APBA1: variants seen among roughly 807,000 people sequenced by gnomAD.
APBA1 encodes the protein amyloid-beta A4 precursor protein-binding family A member 1.
Under a neutral mutation model 86.6 loss-of-function variants are expected in APBA1, and 55 were observed. That is an observed-to-expected ratio of 0.64 (90% CI 0.51 to 0.80). The LOEUF is 0.80. APBA1 is among the 30% of genes least tolerant of loss of function. The pLI, the probability that APBA1 is intolerant of heterozygous loss-of-function variation, is 0.00. For synonymous variants in APBA1, 511 were observed against 493.9 expected (o/e 1.03, Z -0.46); for missense variants, 1,090 against 1,183.0 (o/e 0.92, Z 1.15).
At chr9:69,611,719 A>G (rs1008323940) in intron 1 of APBA1, among the ~76,000 whole-genome samples, 52 of 152,308 alleles carry the variant, frequency 3.4e-4, no homozygotes, top group African/African-American at 1.3e-3. Context: ...CTAAAATTCT[A>G]AAAGGAAAGC....
At chr9:69,446,035 C>G (rs1834901380) in intron 10 of APBA1, among the ~76,000 whole-genome samples, 1 of 152,172 alleles carries the variant, frequency 6.6e-6, no homozygotes, top group Non-Finnish European at 1.5e-5. Flanking sequence ...CTGCAAAGAG[C>G]ATGGACATAC....
chr9:69,578,520 G>T (rs778383007), intron 1 of APBA1, among the ~76,000 whole-genome samples: 8 of 152,112 alleles, frequency 5.3e-5, no homozygotes, highest in Non-Finnish European at 1.2e-4. Context: ...GCTTTGAGGT[G>T]GCAATCTGGT....
At chr9:69,651,249 C>T (rs1823493403) in intron 1 of APBA1, among the ~76,000 whole-genome samples, 1 of 152,118 alleles carries the variant, frequency 6.6e-6, no homozygotes. Flanking sequence ...ATCGTGGTTA[C>T]CTCTGGGGAG....
chr9:69,579,105 C>G (rs1821863773), intron 1 of APBA1, among the ~76,000 whole-genome samples: 1 of 151,910 alleles, frequency 6.6e-6, no homozygotes, highest in Admixed American at 6.6e-5. Flanking sequence ...AAACCCATAC[C>G]TCACTGAGGC....
chr9:69,461,585 A>C (rs1005835124), intron 5 of APBA1: 1 of 152,166 alleles, frequency 6.6e-6, no homozygotes, highest in Non-Finnish European at 1.5e-5. Context: ...ATGAAACACG[A>C]GGTTTAAGTA....
rs759487953 is a variant in APBA1, at chr9:69,516,583, G to A, written c.628C>T (p.Arg210Cys). The A allele has an allele frequency of 8.7e-6, 14 of 1,602,590 alleles. No homozygotes were observed. The highest frequency in any genetic ancestry group is 1.0e-5 in the Non-Finnish European group (12 of 1,178,996). The change falls in exon 2 of 13, where the codon CGC becomes TGC. Residue 210 changes from arginine to cysteine, a missense_variant. By Grantham distance (180) the Arg-to-Cys change is radical. Coordinates refer to ENST00000265381, the MANE Select transcript of APBA1 (RefSeq NM_001163.4). This position sits in a 1 kb window ranked among gnomAD's most constrained non-coding sequence, Gnocchi z 7.3. ...EIGDAPELDA[R>C]DGLRLYEQER... ...TGCTCGTAGAGCCGCAGGCCGTCGC[G>A]TGCGTCCAGCTCGGGCGCGTCCCCT... is the stretch of plus-strand genomic sequence containing the variant.
intron 8 of APBA1, 57 bp downstream of exon 8, chr9:69,456,190 G>C (rs1160914026): frequency 1.9e-6 from 3 of 1,573,458 alleles, no homozygotes; most frequent in East Asian, 2.2e-5. Context: ...ACTGAATCAG[G>C]TTCTGAGAAG....
chr9:69,474,694 T>C (rs1413294270), intron 3 of APBA1, among the ~76,000 whole-genome samples: 1 of 152,232 alleles, frequency 6.6e-6, no homozygotes, highest in Non-Finnish European at 1.5e-5. Context: ...AGTATATTTC[T>C]AGTCTAAATT....
chr9:69,655,820 G>T (rs1377446744), intron 1 of APBA1, among the ~76,000 whole-genome samples: 2 of 152,092 alleles, frequency 1.3e-5, no homozygotes, highest in Non-Finnish European at 2.9e-5. Context: ...GGAGGAATAA[G>T]TTCTGTTACA....
rs534378112 is a variant in APBA1, at chr9:69,542,436, C to T, written c.-69-25157G>A. Among the ~76,000 whole-genome samples the T allele has an allele frequency of 8.5e-5, 13 of 152,354 alleles. No individual in the cohort carries two copies. In the South Asian group the frequency reaches 2.7e-3, roughly 32 times the overall value. The stretch of plus-strand genomic sequence containing the variant: ...ATGTGCATTTAAAATTCCTCCATGT[C>T]TTTCTCTGCCTTGAGCGCTCATTTC... On this transcript the variant is annotated intron_variant, in intron 1 of 12. Coordinates refer to ENST00000265381, the MANE Select transcript of APBA1 (RefSeq NM_001163.4).
chr9:69,653,686 C>T (rs1233956643), intron 1 of APBA1, among the ~76,000 whole-genome samples: 1 of 152,126 alleles, frequency 6.6e-6, no homozygotes, highest in Non-Finnish European at 1.5e-5. Context: ...GGAAATTAAA[C>T]AACATGCTAC....
chr9:69,459,174 T>C (rs572323202), intron 5 of APBA1, among the ~76,000 whole-genome samples: 22 of 152,358 alleles, frequency 1.4e-4, no homozygotes, highest in African/African-American at 5.3e-4. Context: ...TGTATGTCAA[T>C]CTTTTGAAAT....
At chr9:69,617,657 A>C (rs1391490875) in intron 1 of APBA1, among the ~76,000 whole-genome samples, 1 of 152,096 alleles carries the variant, frequency 6.6e-6, no homozygotes. Flanking sequence ...CGGGAACTAC[A>C]CCTTCATTCT....
intron 1 of APBA1, among the ~76,000 whole-genome samples, chr9:69,632,346 C>G (rs1015433815): frequency 1.3e-5 from 2 of 152,228 alleles, no homozygotes; most frequent in East Asian, 1.9e-4. Flanking sequence ...TTCCCTCCCC[C>G]AAAGGTGTCT....
At chr9:69,559,906 T>A (rs17082716) in intron 1 of APBA1, among the ~76,000 whole-genome samples, 4,106 of 152,304 alleles carry the variant, frequency 0.027, 82 homozygotes, top group African/African-American at 0.051. Flanking sequence ...CATCTTTCCA[T>A]TGAGACAATC....
intron 1 of APBA1, among the ~76,000 whole-genome samples, chr9:69,521,709 G>C (rs1836255062): frequency 6.6e-6 from 1 of 152,176 alleles, no homozygotes; most frequent in African/African-American, 2.4e-5. Flanking sequence ...TATTTGAGTT[G>C]AGGTCTGAAT....
intron 1 of APBA1, among the ~76,000 whole-genome samples, chr9:69,656,151 C>T (rs1022333831): frequency 6.6e-6 from 1 of 152,178 alleles, no homozygotes; most frequent in Non-Finnish European, 1.5e-5. Flanking sequence ...GAACCAACTA[C>T]GATTCTCATA....
At chr9:69,440,447 C>CGTTG (rs1564029444) in intron 11 of APBA1, among the ~76,000 whole-genome samples, 6,170 of 148,338 alleles carry the variant, frequency 0.042, 498 homozygotes, top group African/African-American at 0.15. Context: ...CGAGCTTCCC[C>CGTTG]GCTGCTTTGT....
intron 10 of APBA1, among the ~76,000 whole-genome samples, chr9:69,446,085 T>A (rs141435579): frequency 1.3e-5 from 2 of 152,314 alleles, no homozygotes; most frequent in East Asian, 3.9e-4. Context: ...GTGGTCCAGA[T>A]GCTGCTCTGC....
Sources: gnomAD v4.1 joint callset for allele counts (sites outside exome capture counted in the v4.1 genomes callset) on GRCh38, gnomAD v4.1.1 for gene constraint, Gnocchi (gnomAD v3.1) non-coding constraint, MANE v1.5 for transcripts, NCBI Gene and HGNC (gene_info 2026-07-23, HGNC 2026-07-21) for gene names.